ZFR: variants seen among roughly 807,000 people sequenced by gnomAD.
ZFR encodes zinc finger RNA-binding protein.
A neutral mutation model predicts 130.7 loss-of-function variants in ZFR; 19 were observed. The observed-to-expected ratio is 0.15, with a 90% CI of 0.10 to 0.21. The LOEUF (loss-of-function observed/expected upper bound fraction) is 0.21, where lower values mean the gene tolerates loss of function less well. Among genes scored for constraint, ZFR ranks in the 10% least tolerant of loss-of-function variants. The pLI is 1.00. For missense variants in ZFR, 872 were observed against 1,321.5 expected, an observed-to-expected ratio of 0.66 and a Z score of 5.27; for synonymous variants, 466 against 456.9, an observed-to-expected ratio of 1.02 and a Z score of -0.25.
intron 2 of ZFR, among the ~76,000 whole-genome samples, chr5:32,426,112 G>A (rs1284177742): frequency 2.0e-5 from 3 of 152,116 alleles, no homozygotes; most frequent in Non-Finnish European, 4.4e-5. Context: ...ATAATTAATA[G>A]AAACCTAGCA....
intron 8 of ZFR, among the ~76,000 whole-genome samples, chr5:32,401,401 C>T (rs1466196431): frequency 1.3e-5 from 2 of 152,046 alleles, no homozygotes; most frequent in Non-Finnish European, 2.9e-5. Context: ...TAACATGATC[C>T]AGTAAGGAAA....
intron 14 of ZFR, among the ~76,000 whole-genome samples, chr5:32,386,324 A>G (rs1299630586): frequency 2.0e-5 from 3 of 152,292 alleles, no homozygotes; most frequent in African/African-American, 7.2e-5. Context: ...AGATTAAATG[A>G]ATCAACTATA....
intron 3 of ZFR, 48 bp from the exon 4 acceptor site, chr5:32,417,840 G>GA (rs757385642): frequency 2.5e-6 from 4 of 1,576,992 alleles, no homozygotes; most frequent in East Asian, 4.5e-5. Context: ...CAAGTGGAAG[G>GA]AAAAAAATAC....
intron 3 of ZFR, among the ~76,000 whole-genome samples, chr5:32,418,544 G>C (rs1561911774): frequency 6.6e-6 from 1 of 152,114 alleles, no homozygotes; most frequent in Non-Finnish European, 1.5e-5. Context: ...GGGGTAGAAA[G>C]GTATGTAGGT....
chr5:32,356,522 C>G lies in ZFR; in HGVS notation c.3046-583G>C, dbSNP rs559280040. ...CCGCCTCCCGGGTTCACGCCATTCT[C>G]CTGCCTCAGCCTCCCAAGTAGCTGG... is the stretch of plus-strand genomic sequence containing the variant. On this transcript the variant is annotated intron_variant, in intron 19 of 19. Transcript: ENST00000265069. Among the ~76,000 whole-genome samples, 6 of 152,106 alleles carry G rather than the reference C, an allele frequency of 3.9e-5. No individual in the cohort carries two copies. The South Asian group carries it at 1.0e-3, about 26-fold the overall frequency.
intron 2 of ZFR, among the ~76,000 whole-genome samples, chr5:32,442,097 T>C (rs1051625108): frequency 6.6e-6 from 1 of 152,230 alleles, no homozygotes; most frequent in African/African-American, 2.4e-5. Flanking sequence ...GGTCTGCATT[T>C]AGGAAAAACA....
chr5:32,386,824 T>TGAATAGAA (rs1217266601), intron 14 of ZFR, among the ~76,000 whole-genome samples: 2 of 152,148 alleles, frequency 1.3e-5, no homozygotes, highest in African/African-American at 4.8e-5. Context: ...AGAATACATG[T>TGAATAGAA]TACCAATGAA....
At chr5:32,409,283 A>T (rs978467463) in intron 5 of ZFR, among the ~76,000 whole-genome samples, 2 of 152,216 alleles carry the variant, frequency 1.3e-5, no homozygotes, top group African/African-American at 4.8e-5. Flanking sequence ...TAAAATCCAC[A>T]GCTTTCAAAT....
intron 15 of ZFR, among the ~76,000 whole-genome samples, chr5:32,385,294 C>G (rs1581689530): frequency 6.6e-6 from 1 of 152,070 alleles, no homozygotes; most frequent in Non-Finnish European, 1.5e-5. Flanking sequence ...GAAAATCAAT[C>G]ATACCATAGT....
intron 14 of ZFR, among the ~76,000 whole-genome samples, chr5:32,385,994 C>T (rs532541956): frequency 6.6e-6 from 1 of 152,034 alleles, no homozygotes; most frequent in Non-Finnish European, 1.5e-5. Flanking sequence ...GCTACCTGAC[C>T]TTAATAGGAG....
chr5:32,444,463 G>A, intron 1 of ZFR, 135 bp from the exon 2 acceptor site: 1 of 1,284,526 alleles, frequency 7.8e-7, no homozygotes. Context: ...CCGCGGCCGC[G>A]CCGCCTCCCC....
chr5:32,414,909 G>C, intron 5 of ZFR, 60 bp downstream of exon 5: 1 of 1,441,930 alleles, frequency 6.9e-7, no homozygotes, highest in Non-Finnish European at 9.5e-7. Flanking sequence ...AATCAAGATA[G>C]TTTCTACTAA....
At chr5:32,363,345 A>C (rs1752474725) in intron 19 of ZFR, among the ~76,000 whole-genome samples, 2 of 152,194 alleles carry the variant, frequency 1.3e-5, no homozygotes, top group South Asian at 4.1e-4. Context: ...CAATAGGGTT[A>C]ATAAGATGAT....
In ZFR at chr5:32,402,236, T is replaced by A. The variant is rs370321908; in HGVS notation, c.1516+870A>T. Among the ~76,000 whole-genome samples, 15 of 151,994 alleles carry A rather than the reference T, an allele frequency of 9.9e-5. No homozygotes were observed. The East Asian group carries it at 2.7e-3, about 27-fold the overall frequency. ...ATGAACACATAGGCAGGAGAACCAA[T>A]AAGGAAAACTGAGAAAGGGGTGGAT... is the stretch of plus-strand genomic sequence containing the variant. On this transcript the variant is annotated intron_variant, in intron 8 of 19. Transcript: ENST00000265069.
rs1486637495 is a variant in ZFR, at chr5:32,423,323, CT to C, written c.138-3221del. Among the ~76,000 whole-genome samples the C allele has an allele frequency of 7.9e-5, 12 of 151,922 alleles. 1 individual carries two copies. The highest frequency in any genetic ancestry group is 5.9e-4 in the Admixed American group (9 of 15,262). Reference sequence around the variant, plus strand: ...AAGCCTGAGCAACAGAGTGAGACCCCTGTCTCAAAAAAAATTTTTTTTAAAT... The same window carrying C: ...AAGCCTGAGCAACAGAGTGAGACCCCGTCTCAAAAAAAATTTTTTTTAAAT... On this transcript the variant is annotated intron_variant, in intron 2 of 19. Coordinates refer to ENST00000265069, the MANE Select transcript of ZFR (RefSeq NM_016107.5).
chr5:32,380,177 A>T lies in ZFR; in HGVS notation c.2642-5T>A. ...TCACCATACCCGAGGTTACATCTAA[A>T]ATGGATTGAATTGGCAAAATGCAGT... On this transcript the variant is annotated splice_region_variant and splice_polypyrimidine_tract_variant and intron_variant, in intron 15 of 19. Transcript: ENST00000265069. 2 of 1,612,626 alleles carry T rather than the reference A, an allele frequency of 1.2e-6. No individual in the cohort carries two copies. The highest frequency in any genetic ancestry group is 1.7e-6 in the Non-Finnish European group (2 of 1,178,756).
At chr5:32,439,477 C>T (rs1314085374) in intron 2 of ZFR, among the ~76,000 whole-genome samples, 8 of 152,172 alleles carry the variant, frequency 5.3e-5, no homozygotes, top group African/African-American at 1.9e-4. Flanking sequence ...TTACCCTACC[C>T]GAGTTATCTC....
chr5:32,388,757 T>G (rs1410231982), intron 12 of ZFR, 83 bp from the exon 13 acceptor site: 1 of 1,228,362 alleles, frequency 8.1e-7, no homozygotes, highest in Non-Finnish European at 1.1e-6. Flanking sequence ...ACATATTTGT[T>G]GTATCTTTTC....
chr5:32,355,149 A>G lies in ZFR; in HGVS notation c.*611T>C, dbSNP rs185473550. On this transcript the variant is annotated 3_prime_UTR_variant, in exon 20 of 20. Transcript: ENST00000265069. ...AACTCTGTCTTAATTACACCTTTAT[A>G]TATCACACTAGAGACAAATGCCACA... 6.6e-6 allele frequency: 1 copy of G among 152,356 alleles called. No homozygotes were observed. Among genetic ancestry groups the G allele is most frequent in the Non-Finnish European group, 1.5e-5 (1 of 68,040 alleles). The allele number at this position is 152,356 out of a possible 1,614,324, so 9.4% of individuals were successfully genotyped here.
Sources: gnomAD v4.1 joint callset for allele counts (sites outside exome capture counted in the v4.1 genomes callset) on GRCh38, gnomAD v4.1.1 for gene constraint, MANE v1.5 for transcripts, NCBI Gene and HGNC (gene_info 2026-07-23, HGNC 2026-07-21) for gene names.